Variants in KLHL32 observed in about 807,000 individuals in gnomAD.
KLHL32 encodes the protein kelch like family member 32.
A neutral mutation model predicts 64.8 loss-of-function variants in KLHL32; 35 were observed. The ratio of observed to expected loss-of-function variants is 0.54; its 90% CI spans 0.41 to 0.72. The LOEUF (loss-of-function observed/expected upper bound fraction) is 0.72, where lower values mean the gene tolerates loss of function less well. Ranked by LOEUF, KLHL32 falls within the 30% of genes least tolerant of loss-of-function variation. The pLI is 0.00. For synonymous variants in KLHL32, 259 were observed against 281.0 expected (o/e 0.92, Z 0.78); for missense variants, 589 against 768.5 (o/e 0.77, Z 2.76).
chr6:96,959,893 TC>T (rs1773697884), intron 1 of KLHL32, among the ~76,000 whole-genome samples: 3 of 152,340 alleles, frequency 2.0e-5, no homozygotes, highest in Admixed American at 2.0e-4. Context: ...ATTGGAAACT[TC>T]CTTTGTACTG....
rs1161405033 is a variant in KLHL32 at position 97,057,251 on chromosome 6, T to A, written c.313-7377T>A. 2.9e-5 allele frequency among the ~76,000 whole-genome samples: 3 copies of A among 102,174 alleles called. 1 individual carries two copies. The East Asian group carries it at 1.1e-3, about 39-fold the overall frequency. 67.0% of individuals were successfully genotyped at this position (102,174 alleles called of 152,430 possible). A position where few individuals can be genotyped will look rare whatever the true frequency, so the allele number is the denominator to read the frequency against. On this transcript the variant is annotated intron_variant, in intron 4 of 10. Transcript: ENST00000369261. ...CAGGCTGGAGTGCAGTGGCGCGATC[T>A]CGACTCACTGCAAGCTCCGCCTCCC...
In KLHL32 at chr6:96,944,079, A is replaced by T. The variant is rs150376347; in HGVS notation, c.-66+19053A>T. ...CCCCCAGCTGTATTCGTTCCCTGTC[A>T]GTTCTTGTCCTCCAGGCTGTTGCTC... On this transcript the variant is annotated intron_variant, in intron 1 of 10. Transcript: ENST00000369261. 3.1e-3 allele frequency among the ~76,000 whole-genome samples: 466 copies of T among 152,270 alleles called. 2 individuals carry two copies. The highest frequency in any genetic ancestry group is 5.2e-3 in the Non-Finnish European group (352 of 68,020).
intron 3 of KLHL32, among the ~76,000 whole-genome samples, chr6:96,976,787 C>T (rs1032635038): frequency 6.6e-5 from 10 of 151,972 alleles, no homozygotes; most frequent in African/African-American, 1.7e-4. Context: ...TTAGTAGAGA[C>T]GGGGTCTCAC....
chr6:96,956,102 G>T (rs1773228889), intron 1 of KLHL32, among the ~76,000 whole-genome samples: 1 of 152,130 alleles, frequency 6.6e-6, no homozygotes, highest in Admixed American at 6.5e-5. Flanking sequence ...GAGAGCTTGT[G>T]CTGGGAATCT....
chr6:97,032,892 A>C (rs1421378719), intron 3 of KLHL32, among the ~76,000 whole-genome samples: 1 of 151,868 alleles, frequency 6.6e-6, no homozygotes, highest in African/African-American at 2.4e-5. Context: ...CAAATGCATA[A>C]ACAAAATCTA....
chr6:97,032,901 T>C (rs1278478318), intron 3 of KLHL32, among the ~76,000 whole-genome samples: 1 of 151,892 alleles, frequency 6.6e-6, no homozygotes, highest in Non-Finnish European at 1.5e-5. Context: ...AAACAAAATC[T>C]ACTTAACTCT....
the KLHL32 span, among the ~76,000 whole-genome samples, chr6:96,904,060 G>T: frequency 6.6e-6 from 1 of 151,892 alleles, no homozygotes; most frequent in Admixed American, 6.6e-5. Flanking sequence ...AATGACCAAG[G>T]CCCAGGGCAA....
intron 6 of KLHL32, among the ~76,000 whole-genome samples, chr6:97,087,475 GAATTGTTCAT>G (rs1793591737): frequency 6.6e-6 from 1 of 152,178 alleles, no homozygotes; most frequent in South Asian, 2.1e-4. Context: ...TTAAATTGCT[GAATTGTTCAT>G]TACGGAACGT....
rs1043074144 is a variant in KLHL32 at position 97,140,173 on chromosome 6, G to T, written c.*891G>T. The T allele has an allele frequency of 6.6e-6, 1 of 152,020 alleles. No homozygotes were observed. Among genetic ancestry groups the T allele is most frequent in the African/African-American group, 2.4e-5 (1 of 41,400 alleles). The allele number at this position is 152,020 out of a possible 1,614,324, so 9.4% of individuals were successfully genotyped here. ...AGCATGTGAAAGAGACACACAATGA[G>T]GAAATAGGGAGTTTCTCAAAATCTA... is the stretch of plus-strand genomic sequence containing the variant. On this transcript the variant is annotated 3_prime_UTR_variant, in exon 11 of 11. Transcript: ENST00000369261.
At chr6:97,029,508 A>C (rs187399153) in intron 3 of KLHL32, among the ~76,000 whole-genome samples, 201 of 152,252 alleles carry the variant, frequency 1.3e-3, no homozygotes, top group African/African-American at 4.7e-3. Context: ...TTGTCTTGTG[A>C]TATTTTATTC....
intron 3 of KLHL32, among the ~76,000 whole-genome samples, chr6:97,030,558 C>T (rs1280396656): frequency 1.3e-5 from 2 of 152,168 alleles, no homozygotes; most frequent in East Asian, 3.9e-4. Context: ...TCAGCCTGGC[C>T]GAGGCTCTCC....
At chr6:97,138,637 G>T (rs529974708) in intron 10 of KLHL32, among the ~76,000 whole-genome samples, 6 of 152,080 alleles carry the variant, frequency 3.9e-5, no homozygotes, top group Admixed American at 2.6e-4. Context: ...TTCCAGAATC[G>T]ACTGAATTTT....
intron 1 of KLHL32, among the ~76,000 whole-genome samples, chr6:96,938,477 A>T (rs1212737102): frequency 6.6e-6 from 1 of 152,108 alleles, no homozygotes; most frequent in African/African-American, 2.4e-5. Flanking sequence ...CCTCATCAGC[A>T]TTCTCTGTGC....
intron 4 of KLHL32, among the ~76,000 whole-genome samples, chr6:97,054,735 A>G (rs1189283805): frequency 6.6e-6 from 1 of 152,204 alleles, no homozygotes; most frequent in East Asian, 1.9e-4. Context: ...CACCTTAAAA[A>G]CTAATGATAG....
chr6:97,085,042 G>A, intron 5 of KLHL32, 84 bp from the exon 6 acceptor site: 4 of 1,157,788 alleles, frequency 3.5e-6, no homozygotes, highest in Non-Finnish European at 3.8e-6. Context: ...GAAAACCTTA[G>A]TGAGTCAATC....
At chr6:96,938,732 T>G (rs997590968) in intron 1 of KLHL32, among the ~76,000 whole-genome samples, 7 of 152,264 alleles carry the variant, frequency 4.6e-5, no homozygotes, top group Admixed American at 2.6e-4. Context: ...AGTTATTTGG[T>G]CTTGGGAAAG....
In KLHL32 at chr6:96,989,820, T is replaced by C. The variant is rs989479101; in HGVS notation, c.204+13643T>C. Among the ~76,000 whole-genome samples the C allele has an allele frequency of 5.3e-5, 8 of 152,220 alleles. No individual in the cohort carries two copies. In the East Asian group the frequency reaches 1.5e-3, roughly 29 times the overall value. ...TTTTTTAAACTTTTGGCTGACTGAA[T>C]TAGTTCAGAAACCAGCCTTCAAGCT... On this transcript the variant is annotated intron_variant, in intron 3 of 10. Coordinates refer to ENST00000369261, the MANE Select transcript of KLHL32 (RefSeq NM_052904.4).
chr6:97,029,251 C>T (rs1005393241), intron 3 of KLHL32, among the ~76,000 whole-genome samples: 8 of 152,042 alleles, frequency 5.3e-5, no homozygotes, highest in African/African-American at 1.7e-4. Context: ...TTTTGAAGAG[C>T]TCATTATCAC....
In KLHL32 at chr6:97,137,718, TAG is replaced by T. The variant is rs1215452114; in HGVS notation, c.1702-1399_1702-1398del. Among the ~76,000 whole-genome samples the T allele has an allele frequency of 5.9e-5, 9 of 152,192 alleles. No individual in the cohort carries two copies. In the East Asian group the frequency reaches 9.7e-4, roughly 16 times the overall value. ...CCTGGCTAATTTTTTGTATTTTTAG[TAG>T]AGACAGGGTTTCACCATGTTAGCCA... On this transcript the variant is annotated intron_variant, in intron 10 of 10. Transcript: ENST00000369261.
Sources: allele counts gnomAD v4.1 joint callset (sites outside exome capture counted in the v4.1 genomes callset), GRCh38; gene constraint gnomAD v4.1.1; transcripts MANE v1.5; gene names NCBI Gene and HGNC (gene_info 2026-07-23, HGNC 2026-07-21).